Variants in ZNF676 observed in about 807,000 individuals in gnomAD.
ZNF676 encodes the protein zinc finger protein 676.
ZNF676 carries 4 observed loss-of-function variants against 6.0 expected under a neutral mutation model. The observed-to-expected ratio is 0.67, with a 90% CI of 0.33 to 1.53. The LOEUF (loss-of-function observed/expected upper bound fraction) is 1.53, where lower values mean the gene tolerates loss of function less well. Among genes scored for constraint, ZNF676 ranks in the 40% most tolerant of loss-of-function variants. ZNF676 has a pLI of 0.06. For synonymous variants in ZNF676, 198 were observed against 223.1 expected (o/e 0.89, Z 1.00); for missense variants, 644 against 679.7 (o/e 0.95, Z 0.58).
chr19:22,210,520 GGAA>G (rs1268819891), intron 1 of ZNF676, among the ~76,000 whole-genome samples: 2 of 151,992 alleles, frequency 1.3e-5, no homozygotes, highest in African/African-American at 4.8e-5. Context: ...AAAGTCAAAT[GGAA>G]GAAAAGTATA....
Position 22,191,273 on chromosome 19 carries a change from G to C in ZNF676, c.130+1743C>G, listed in dbSNP as rs146723761. ...AAGCTTTCATTCAGGTGGCAAACTA[G>C]AGGACCCCTGCTCTTGACTACAGAC... is the stretch of plus-strand genomic sequence containing the variant. On this transcript the variant is annotated intron_variant, in intron 2 of 2. Transcript: ENST00000397121. 6.7e-3 allele frequency among the ~76,000 whole-genome samples: 1,018 copies of C among 152,252 alleles called. 12 individuals are homozygous for C. Among genetic ancestry groups the C allele is most frequent in the African/African-American group, 0.024 (977 of 41,556 alleles).
chr19:22,259,638 G>A, the ZNF676 span: 9 of 152,300 alleles, frequency 5.9e-5, no homozygotes, highest in Admixed American at 5.2e-4. Flanking sequence ...TATGGGCAAA[G>A]AGCTGGCATA....
the ZNF676 span, among the ~76,000 whole-genome samples, chr19:22,231,977 A>C: frequency 3.3e-5 from 5 of 152,150 alleles, no homozygotes; most frequent in Admixed American, 6.6e-5. Flanking sequence ...GAGACAAAAC[A>C]AGCCATTACA....
At chr19:22,219,902 A>AC (rs1350929447), upstream of ZNF676, among the ~76,000 whole-genome samples, 1 of 151,510 alleles carries the variant, frequency 6.6e-6, no homozygotes, top group East Asian at 2.0e-4. Flanking sequence ...TGATCTGCCC[A>AC]CCTCAGCCTC....
intron 2 of ZNF676, among the ~76,000 whole-genome samples, chr19:22,190,924 T>A (rs1180468932): frequency 6.6e-6 from 1 of 151,930 alleles, no homozygotes; most frequent in Non-Finnish European, 1.5e-5. Flanking sequence ...TAGATAGATA[T>A]AAAGCAATTA....
intron 2 of ZNF676, among the ~76,000 whole-genome samples, chr19:22,190,244 A>G (rs1402919528): frequency 6.6e-6 from 1 of 152,120 alleles, no homozygotes; most frequent in South Asian, 2.1e-4. Flanking sequence ...GCTGGAAACC[A>G]TCATTCTCAG....
In ZNF676 at chr19:22,181,075, T is replaced by G; in HGVS notation, c.642A>C (p.Lys214Asn). The change falls in exon 3 of 3, where the codon AAA (lysine) becomes AAC (asparagine). Residue 214 changes from lysine to asparagine, a missense_variant. Physicochemically the swap from Lys to Asn is moderately conservative, Grantham distance 94. Transcript: ENST00000397121. ...TCTCTCCAGTATGAATTACCTTATG[T>G]TTAGTAAGGATTGAGAACTTACTAA... ...KAFSKFSILT[K>N]HKVIHTGEKP... 6.3e-7 allele frequency: 1 copy of G among 1,579,310 alleles called. No homozygotes were observed. The highest frequency in any genetic ancestry group is 8.6e-7 in the Non-Finnish European group (1 of 1,158,394).
the ZNF676 span, among the ~76,000 whole-genome samples, chr19:22,246,537 C>T: frequency 1.3e-5 from 2 of 152,112 alleles, no homozygotes; most frequent in African/African-American, 2.4e-5. Context: ...AGTCACATAA[C>T]CCAGGGGCTG....
chr19:22,232,815 C>T, the ZNF676 span, among the ~76,000 whole-genome samples: 1 of 151,980 alleles, frequency 6.6e-6, no homozygotes, highest in African/African-American at 2.4e-5. Context: ...TATGAGCATG[C>T]TCCTGTTCAA....
the ZNF676 span, among the ~76,000 whole-genome samples, chr19:22,246,339 T>C: frequency 6.6e-6 from 1 of 151,218 alleles, no homozygotes; most frequent in African/African-American, 2.4e-5. Context: ...AGTGATACAT[T>C]AGAATCTCTC....
At chr19:22,196,200 T>G (rs1409845274) in intron 1 of ZNF676, among the ~76,000 whole-genome samples, 1 of 152,134 alleles carries the variant, frequency 6.6e-6, no homozygotes, top group Non-Finnish European at 1.5e-5. Flanking sequence ...AAACTGTTTA[T>G]CATGAGTGCA....
At chr19:22,252,550 T>C in the ZNF676 span, among the ~76,000 whole-genome samples, 2 of 151,952 alleles carry the variant, frequency 1.3e-5, no homozygotes, top group South Asian at 4.1e-4. Flanking sequence ...AGATGCTGGG[T>C]ACAGCAGTAT....
Position 22,180,137 on chromosome 19 carries a change from T to C in ZNF676, c.1580A>G (p.His527Arg), listed in dbSNP as rs570623499. The change falls in exon 3 of 3, where the codon CAT becomes CGT. Residue 527 changes from histidine to arginine, a missense_variant. By Grantham distance (29) the His-to-Arg change is conservative. This residue lies in a region of ZNF676 where 306 missense variants were observed against 265.4 expected (regional missense o/e 1.15). Transcript: ENST00000397121. ...ACATTTGTAGGGTTTCTCTCCAGTA[T>C]GAATTATCTTATGTTCAGTAAGGAT... ...SSILTEHKIIHTGEKPYKCEE... is the reference protein window; with the variant it reads ...SSILTEHKIIRTGEKPYKCEE... 1.2e-6 allele frequency: 2 copies of C among 1,613,816 alleles called. No homozygotes were observed. Among genetic ancestry groups the C allele is most frequent in the South Asian group, 1.1e-5 (1 of 91,068 alleles).
chr19:22,227,918 C>T, the ZNF676 span, among the ~76,000 whole-genome samples: 3 of 152,186 alleles, frequency 2.0e-5, no homozygotes, highest in Non-Finnish European at 4.4e-5. Flanking sequence ...CAGCCATATT[C>T]TACCACAGGT....
the ZNF676 span, among the ~76,000 whole-genome samples, chr19:22,250,195 AG>A: frequency 6.6e-6 from 1 of 151,908 alleles, no homozygotes; most frequent in Non-Finnish European, 1.5e-5. Flanking sequence ...AAAAAAAAAA[AG>A]AAAAAACTGG....
chr19:22,211,615 A>G (rs1599719479), intron 1 of ZNF676, among the ~76,000 whole-genome samples: 1 of 152,218 alleles, frequency 6.6e-6, no homozygotes. Context: ...GTAAACAGTT[A>G]TATGGGAACA....
chr19:22,219,548 G>T (rs2024227538), upstream of ZNF676, among the ~76,000 whole-genome samples: 3 of 152,218 alleles, frequency 2.0e-5, no homozygotes, highest in South Asian at 6.2e-4. Context: ...ATCCATTACT[G>T]TGTTGAATAG....
chr19:22,196,610 C>T lies in ZNF676; in HGVS notation c.24G>A (p.Leu8=), dbSNP rs764140755. 1 of 1,613,676 alleles carries T rather than the reference C, an allele frequency of 6.2e-7. No individual in the cohort carries two copies. The highest frequency in any genetic ancestry group is 1.1e-5 in the South Asian group (1 of 91,070). The change falls in exon 1 of 3, where the codon CTG becomes CTA. Residue 8 remains leucine (L), a synonymous_variant. Transcript: ENST00000397121. MLENYRN[L]VFLGIAAFKP... is the part of the protein sequence containing the mutation. ...TAAAGTTATTCTCACCCAGGAAGAC[C>T]AGGTTTCTGTAGTTCTCTAACATCA...
chr19:22,205,892 A>AAT (rs2024071349), intron 1 of ZNF676, among the ~76,000 whole-genome samples: 1 of 152,070 alleles, frequency 6.6e-6, no homozygotes, highest in Non-Finnish European at 1.5e-5. Context: ...AAAAAAAGTA[A>AAT]ATAAACTATG....
Sources: allele counts gnomAD v4.1 joint callset (sites outside exome capture counted in the v4.1 genomes callset), GRCh38; gene constraint gnomAD v4.1.1; regional missense constraint gnomAD v4.1.1; transcripts MANE v1.5; gene names NCBI Gene and HGNC (gene_info 2026-07-23, HGNC 2026-07-21).